The following SOX5 variants were observed in gnomAD, a reference collection of about 807,000 sequenced individuals.
SOX5 encodes SRY-box transcription factor 5, also known as transcription factor SOX-5.
In SOX5, 9 loss-of-function variants were observed where a neutral mutation model predicts 92.0. The ratio of observed to expected loss-of-function variants is 0.10; its 90% CI spans 0.06 to 0.17. The LOEUF is 0.17. Among genes scored for constraint, SOX5 ranks in the 10% least tolerant of loss-of-function variants. The probability of loss-of-function intolerance (pLI) is 1.00; values close to 1 mark genes in which losing one functional copy is unlikely to be tolerated. For missense variants in SOX5, 642 were observed against 944.5 expected, an observed-to-expected ratio of 0.68 and a Z score of 4.20; for synonymous variants, 344 against 336.3, an observed-to-expected ratio of 1.02 and a Z score of -0.25.
At chr12:24,504,608 T>C (rs548124157) in intron 1 of SOX5, among the ~76,000 whole-genome samples, 5 of 152,314 alleles carry the variant, frequency 3.3e-5, no homozygotes, top group Admixed American at 6.5e-5. Context: ...GTTTCCAAAA[T>C]TGACATCAAG....
chr12:24,229,323 G>A (rs1454611822), intron 3 of SOX5, among the ~76,000 whole-genome samples: 1 of 152,180 alleles, frequency 6.6e-6, no homozygotes, highest in African/African-American at 2.4e-5. Context: ...ATTGCCAAGT[G>A]TCGAACTGAG....
At chr12:24,361,123 T>C (rs950889802) in intron 2 of SOX5, among the ~76,000 whole-genome samples, 1 of 152,156 alleles carries the variant, frequency 6.6e-6, no homozygotes, top group African/African-American at 2.4e-5. Context: ...CCATAGAATA[T>C]TCCATGCAGT....
intron 8 of SOX5, among the ~76,000 whole-genome samples, chr12:23,623,270 GTAT>G (rs1412583606): frequency 1.3e-5 from 2 of 152,094 alleles, no homozygotes; most frequent in Non-Finnish European, 2.9e-5. Context: ...AAGCATTTAA[GTAT>G]TATTATAAGA....
intron 6 of SOX5, among the ~76,000 whole-genome samples, chr12:23,710,262 T>G (rs1381650696): frequency 2.6e-5 from 4 of 152,168 alleles, no homozygotes; most frequent in Non-Finnish European, 5.9e-5. Flanking sequence ...TTATTATACT[T>G]TAAGTTCTAG....
chr12:23,687,745 C>T (rs1259370882), intron 6 of SOX5, among the ~76,000 whole-genome samples: 1 of 151,934 alleles, frequency 6.6e-6, no homozygotes, highest in African/African-American at 2.4e-5. Flanking sequence ...GAATAATGAG[C>T]TCAATCTATA....
chr12:24,103,022 A>G (rs1376071629), intron 4 of SOX5, among the ~76,000 whole-genome samples: 1 of 152,234 alleles, frequency 6.6e-6, no homozygotes, highest in Admixed American at 6.5e-5. Flanking sequence ...CCTAGCTAAC[A>G]TAGGAACGGT....
chr12:24,062,466 G>A (rs1258965809), intron 4 of SOX5, among the ~76,000 whole-genome samples: 10 of 152,182 alleles, frequency 6.6e-5, no homozygotes, highest in Admixed American at 6.5e-4. Flanking sequence ...AAATGTTTCT[G>A]TGTGACAGGG....
At chr12:23,624,043 G>C (rs1343459499) in intron 8 of SOX5, among the ~76,000 whole-genome samples, 2 of 152,008 alleles carry the variant, frequency 1.3e-5, no homozygotes, top group African/African-American at 4.8e-5. Flanking sequence ...CTACAACATG[G>C]ATAAACATTG....
intron 1 of SOX5, among the ~76,000 whole-genome samples, chr12:24,417,782 G>A (rs1316404465): frequency 1.3e-5 from 2 of 152,094 alleles, no homozygotes; most frequent in African/African-American, 2.4e-5. Context: ...GAAAAACATG[G>A]TGGTGGTGGT....
At chr12:24,538,125 G>A (rs1018996924) in intron 1 of SOX5, among the ~76,000 whole-genome samples, 3 of 152,126 alleles carry the variant, frequency 2.0e-5, no homozygotes, top group East Asian at 1.9e-4. Context: ...GCTGCCCTGA[G>A]CTCACACATT....
intron 3 of SOX5, among the ~76,000 whole-genome samples, chr12:23,777,321 G>A (rs898491485): frequency 1.3e-5 from 2 of 152,140 alleles, no homozygotes; most frequent in African/African-American, 4.8e-5. Context: ...CATCAAAGGA[G>A]TTATACTGTG....
intron 2 of SOX5, among the ~76,000 whole-genome samples, chr12:24,281,237 GAAAAAA>G (rs71448005): frequency 1.0e-5 from 1 of 97,246 alleles, no homozygotes; most frequent in African/African-American, 3.4e-5. Flanking sequence ...TTACCAAAAG[GAAAAAA>G]AAAAAAAAAA....
intron 4 of SOX5, among the ~76,000 whole-genome samples, chr12:24,103,018 T>C (rs906796065): frequency 9.9e-5 from 15 of 152,222 alleles, no homozygotes; most frequent in Non-Finnish European, 1.6e-4. Context: ...TAGGCCTAGC[T>C]AACATAGGAA....
intron 1 of SOX5, among the ~76,000 whole-genome samples, chr12:24,425,836 T>G (rs1459464779): frequency 6.6e-6 from 1 of 152,124 alleles, no homozygotes; most frequent in African/African-American, 2.4e-5. Flanking sequence ...TGAGTCAAGA[T>G]CACCAGGCAG....
At chr12:23,546,109 C>T (rs1943086424) in intron 12 of SOX5, among the ~76,000 whole-genome samples, 1 of 152,098 alleles carries the variant, frequency 6.6e-6, no homozygotes, top group East Asian at 1.9e-4. Flanking sequence ...TGGGACTTAT[C>T]CTAGGTTGAC....
chr12:23,907,791 C>T (rs1036117156), intron 1 of SOX5, among the ~76,000 whole-genome samples: 9 of 151,934 alleles, frequency 5.9e-5, no homozygotes, highest in South Asian at 2.1e-4. Context: ...TCTATTCAGG[C>T]TTTATAATAC....
At chr12:23,696,417 A>G (rs1284029616) in intron 6 of SOX5, among the ~76,000 whole-genome samples, 1 of 152,126 alleles carries the variant, frequency 6.6e-6, no homozygotes, top group Non-Finnish European at 1.5e-5. Context: ...AAAGTTTTTC[A>G]TAACAGCCCC....
intron 4 of SOX5, among the ~76,000 whole-genome samples, chr12:24,150,016 A>G (rs1019333185): frequency 6.6e-6 from 1 of 152,214 alleles, no homozygotes; most frequent in African/African-American, 2.4e-5. Context: ...AGATAGGGAC[A>G]TGAGAAAACT....
At chr12:23,991,981 C>T (rs1046370658) in intron 4 of SOX5, among the ~76,000 whole-genome samples, 2 of 152,060 alleles carry the variant, frequency 1.3e-5, no homozygotes, top group Non-Finnish European at 2.9e-5. Flanking sequence ...TACTATGCAG[C>T]TTTCCAAAAA....
Sources: allele counts gnomAD v4.1 joint callset (sites outside exome capture counted in the v4.1 genomes callset), GRCh38; gene constraint gnomAD v4.1.1; transcripts MANE v1.5; gene names NCBI Gene and HGNC (gene_info 2026-07-23, HGNC 2026-07-21).